Variants in CDH23 observed in about 807,000 individuals in gnomAD.
The protein encoded by CDH23 is cadherin-23.
Under a neutral mutation model 317.1 loss-of-function variants are expected in CDH23, and 189 were observed. The ratio of observed to expected loss-of-function variants is 0.60; its 90% CI spans 0.53 to 0.67. The LOEUF (loss-of-function observed/expected upper bound fraction) is 0.67, where lower values mean the gene tolerates loss of function less well. Among genes scored for constraint, CDH23 ranks in the 30% least tolerant of loss-of-function variants. CDH23 has a pLI of 0.00. For synonymous variants in CDH23, 1,839 were observed against 1,876.8 expected (o/e 0.98, Z 0.52); for missense variants, 4,401 against 4,592.4 (o/e 0.96, Z 1.20).
chr10:71,646,032 G>A (rs1862836082), intron 13 of CDH23, 52 bp downstream of exon 13: 1 of 1,585,222 alleles, frequency 6.3e-7, no homozygotes, highest in Admixed American at 1.9e-5. Flanking sequence ...TGGATTTCAG[G>A]GGAGGCGAGG....
intron 3 of CDH23, among the ~76,000 whole-genome samples, chr10:71,499,859 A>G (rs185413578): frequency 1.9e-4 from 29 of 151,862 alleles, no homozygotes; most frequent in Admixed American, 1.0e-3. Flanking sequence ...CAAAACAAAT[A>G]AACAAAAACT....
intron 38 of CDH23, among the ~76,000 whole-genome samples, chr10:71,764,402 G>C (rs1479040267): frequency 6.6e-6 from 1 of 151,952 alleles, no homozygotes. Flanking sequence ...ACACTATACT[G>C]ATGAAAAAAA....
intron 9 of CDH23, among the ~76,000 whole-genome samples, chr10:71,603,193 C>A (rs1180080310): frequency 6.6e-6 from 1 of 152,134 alleles, no homozygotes; most frequent in East Asian, 1.9e-4. Context: ...TGACAGACAG[C>A]GCGTGCCCCC....
At chr10:71,675,021 A>G in intron 14 of CDH23, 91 bp from the exon 15 acceptor site, 1 of 1,193,598 alleles carries the variant, frequency 8.4e-7, no homozygotes, top group Middle Eastern at 1.9e-4. Flanking sequence ...CCCTGGGCCA[A>G]AGGAGACGTG....
intron 3 of CDH23, among the ~76,000 whole-genome samples, chr10:71,482,216 G>A (rs1044477485): frequency 2.6e-5 from 4 of 151,348 alleles, no homozygotes; most frequent in African/African-American, 7.3e-5. Context: ...TGCTCCCTTC[G>A]TCACTTTCTT....
At chr10:71,705,371 C>A (rs574495533) in intron 25 of CDH23, among the ~76,000 whole-genome samples, 3 of 152,316 alleles carry the variant, frequency 2.0e-5, no homozygotes, top group East Asian at 3.9e-4. Flanking sequence ...GACCTGCTGC[C>A]AAAGCCCCAT....
chr10:71,552,814 C>T (rs991635710), intron 6 of CDH23, among the ~76,000 whole-genome samples: 2 of 152,180 alleles, frequency 1.3e-5, no homozygotes, highest in Non-Finnish European at 2.9e-5. Flanking sequence ...AGGGCTCTTT[C>T]TTCCACCCCA....
intron 1 of CDH23, among the ~76,000 whole-genome samples, chr10:71,409,285 G>A (rs12771051): frequency 0.4 from 61,140 of 151,952 alleles, 15,297 homozygotes; most frequent in East Asian, 0.55. Flanking sequence ...TGACACAAAG[G>A]GGCTGGTGAA....
chr10:71,554,068 G>A (rs1856747364), intron 6 of CDH23, among the ~76,000 whole-genome samples: 1 of 152,234 alleles, frequency 6.6e-6, no homozygotes, highest in African/African-American at 2.4e-5. Context: ...AGCCCCGTGA[G>A]GTAATAGCAT....
At chr10:71,559,567 A>C (rs1486025825) in intron 6 of CDH23, among the ~76,000 whole-genome samples, 3 of 152,310 alleles carry the variant, frequency 2.0e-5, no homozygotes, top group Admixed American at 2.0e-4. Flanking sequence ...GATTCCAAAA[A>C]GCCAGTACAC....
intron 11 of CDH23, among the ~76,000 whole-genome samples, chr10:71,624,237 C>T (rs1352108042): frequency 1.3e-5 from 2 of 152,154 alleles, no homozygotes; most frequent in Non-Finnish European, 2.9e-5. Flanking sequence ...CTCTCTGGGC[C>T]TCATCTCTGT....
chr10:71,495,831 A>AGGAAGGAAGGAAGGAAG (rs1564615558), intron 3 of CDH23, among the ~76,000 whole-genome samples: 1 of 148,432 alleles, frequency 6.7e-6, no homozygotes, highest in African/African-American at 2.6e-5. Context: ...AAAGAAAGAA[A>AGGAAGGAAGGAAGGAAG]GAAAGAAAGA....
At chr10:71,646,015 T>TG in intron 13 of CDH23, 35 bp downstream of exon 13, 3 of 1,596,008 alleles carry the variant, frequency 1.9e-6, no homozygotes, top group South Asian at 2.3e-5. Context: ...TGGAGTGGGG[T>TG]GGGGGGTGGA....
At chr10:71,537,995 G>GT (rs1312070594) in intron 6 of CDH23, among the ~76,000 whole-genome samples, 1 of 152,176 alleles carries the variant, frequency 6.6e-6, no homozygotes, top group Non-Finnish European at 1.5e-5. Flanking sequence ...AAAGCTGTCG[G>GT]TTTCCCTCTA....
intron 9 of CDH23, among the ~76,000 whole-genome samples, chr10:71,579,623 G>A (rs1232589448): frequency 1.3e-5 from 2 of 152,154 alleles, no homozygotes; most frequent in East Asian, 1.9e-4. Context: ...AGCACCCCAG[G>A]CAGCTCAGGT....
intron 3 of CDH23, among the ~76,000 whole-genome samples, chr10:71,452,056 C>T (rs1850473069): frequency 6.6e-6 from 1 of 152,206 alleles, no homozygotes; most frequent in Non-Finnish European, 1.5e-5. Context: ...CGTGCCTATG[C>T]TTGTGAACGG....
At position 71,510,917 on chromosome 10, in the gene CDH23, C is replaced by T. The variant is rs1245550525; in HGVS notation, c.289-37C>T. 3 of 1,612,778 alleles carry T rather than the reference C, an allele frequency of 1.9e-6. No homozygotes were observed. In the South Asian group the frequency reaches 3.3e-5, roughly 18 times the overall value. ...CCCAGGACCCAGGACCTCAGCACCGCCTAACTGCCCCCCTCCCTCTCTCAC... is the reference window on the plus strand; with the variant it reads ...CCCAGGACCCAGGACCTCAGCACCGTCTAACTGCCCCCCTCCCTCTCTCAC... On this transcript the variant is annotated intron_variant, in intron 4 of 69. Coordinates refer to ENST00000224721, the MANE Select transcript of CDH23 (RefSeq NM_022124.6).
chr10:71,539,253 T>C (rs1428517903), intron 6 of CDH23, among the ~76,000 whole-genome samples: 1 of 152,154 alleles, frequency 6.6e-6, no homozygotes, highest in African/African-American at 2.4e-5. Flanking sequence ...CCCTGGCTTA[T>C]GGTGCAGCCC....
At chr10:71,557,995 C>CT (rs71943429) in intron 6 of CDH23, among the ~76,000 whole-genome samples, 3 of 148,930 alleles carry the variant, frequency 2.0e-5, no homozygotes, top group African/African-American at 7.5e-5. Flanking sequence ...TTTTTTTTAA[C>CT]TTATTTATTT....
Sources: gnomAD v4.1 joint callset for allele counts (sites outside exome capture counted in the v4.1 genomes callset) on GRCh38, gnomAD v4.1.1 for gene constraint, MANE v1.5 for transcripts, NCBI Gene and HGNC (gene_info 2026-07-23, HGNC 2026-07-21) for gene names.